DNAJC5B: variants seen among roughly 807,000 people sequenced by gnomAD.
DNAJC5B encodes the protein dnaJ homolog subfamily C member 5B.
In DNAJC5B, 23 loss-of-function variants were observed where a neutral mutation model predicts 24.7. The ratio of observed to expected loss-of-function variants is 0.93; its 90% CI spans 0.67 to 1.32. The LOEUF is 1.32. DNAJC5B is among the 40% of genes most tolerant of loss of function. The pLI is 0.00. For synonymous variants in DNAJC5B, 101 were observed against 90.1 expected, an observed-to-expected ratio of 1.12 and a Z score of -0.68; for missense variants, 238 against 240.8, an observed-to-expected ratio of 0.99 and a Z score of 0.08.
chr8:66,019,624 C>T (rs1379516888), upstream of DNAJC5B, among the ~76,000 whole-genome samples: 1 of 151,936 alleles, frequency 6.6e-6, no homozygotes, highest in Non-Finnish European at 1.5e-5. Context: ...AATTTTATTC[C>T]AGTAAAATGT....
Position 66,028,902 on chromosome 8 carries a change from T to C in DNAJC5B, c.-142+7197T>C, listed in dbSNP as rs535020678. On this transcript the variant is annotated intron_variant, in intron 1 of 5. Transcript: ENST00000276570. Reference sequence around the variant, plus strand: ...AGGACTAAACTCCTTTGCTTGGTTTTCAAGGCCTCTCACCTTCTCTAGCTT... The same window carrying C: ...AGGACTAAACTCCTTTGCTTGGTTTCCAAGGCCTCTCACCTTCTCTAGCTT... 8.5e-5 allele frequency among the ~76,000 whole-genome samples: 13 copies of C among 152,340 alleles called. 1 individual carries two copies. The South Asian group carries it at 2.5e-3, about 29-fold the overall frequency.
the DNAJC5B span, among the ~76,000 whole-genome samples, chr8:66,016,343 T>G: frequency 6.6e-6 from 1 of 152,160 alleles, no homozygotes; most frequent in Non-Finnish European, 1.5e-5. Context: ...TGGTTTCCCT[T>G]ATGCTGTTGT....
At chr8:66,098,105 C>T (rs919492497) in intron 5 of DNAJC5B, among the ~76,000 whole-genome samples, 15 of 152,186 alleles carry the variant, frequency 9.9e-5, no homozygotes, top group East Asian at 3.8e-4. Context: ...CTGCCTGCCT[C>T]GGCCTCCCAA....
chr8:66,030,211 C>T (rs1182967392), intron 1 of DNAJC5B, among the ~76,000 whole-genome samples: 1 of 152,146 alleles, frequency 6.6e-6, no homozygotes, highest in Non-Finnish European at 1.5e-5. Context: ...CTTCATGGTG[C>T]TCCTTGATGG....
chr8:66,096,332 T>C (rs77904066), intron 5 of DNAJC5B, among the ~76,000 whole-genome samples: 2,262 of 152,264 alleles, frequency 0.015, 52 homozygotes, highest in African/African-American at 0.051. Context: ...TATGATCACA[T>C]TGTAAGGTAC....
intron 5 of DNAJC5B, among the ~76,000 whole-genome samples, chr8:66,084,949 C>T (rs1807687972): frequency 6.6e-6 from 1 of 152,022 alleles, no homozygotes; most frequent in Admixed American, 6.6e-5. Flanking sequence ...TTATGTTTAA[C>T]ATTTAGATTT....
chr8:66,099,107 T>G (rs1471555736), intron 5 of DNAJC5B, among the ~76,000 whole-genome samples: 1 of 152,100 alleles, frequency 6.6e-6, no homozygotes, highest in Admixed American at 6.6e-5. Flanking sequence ...TATGAGCTCA[T>G]GTTTCTTGCA....
chr8:66,054,009 G>A (rs796515200), intron 3 of DNAJC5B, among the ~76,000 whole-genome samples: 3 of 151,038 alleles, frequency 2.0e-5, no homozygotes, highest in African/African-American at 7.3e-5. Flanking sequence ...ATTTTTAATG[G>A]CTGTGGCCTA....
intron 5 of DNAJC5B, among the ~76,000 whole-genome samples, chr8:66,098,699 T>G (rs970653121): frequency 1.6e-4 from 25 of 152,150 alleles, no homozygotes; most frequent in African/African-American, 5.8e-4. Context: ...TCTTAAATTT[T>G]GGATAATCTC....
At chr8:66,055,878 G>T (rs1166529310) in intron 3 of DNAJC5B, among the ~76,000 whole-genome samples, 2 of 152,160 alleles carry the variant, frequency 1.3e-5, no homozygotes, top group Non-Finnish European at 2.9e-5. Flanking sequence ...GGAGGCAGAG[G>T]TTGCAGTGAG....
At chr8:66,042,999 T>A (rs796093585) in intron 1 of DNAJC5B, among the ~76,000 whole-genome samples, 52 of 152,136 alleles carry the variant, frequency 3.4e-4, no homozygotes, top group African/African-American at 1.1e-3. Context: ...CTCTAAATCA[T>A]AGGAATTGTT....
At chr8:66,072,078 T>A (rs958567997) in intron 3 of DNAJC5B, among the ~76,000 whole-genome samples, 8 of 151,214 alleles carry the variant, frequency 5.3e-5, no homozygotes, top group African/African-American at 1.9e-4. Flanking sequence ...AGGGATAACA[T>A]TAGGAGAAAT....
At chr8:66,048,506 C>T (rs1361201545) in intron 2 of DNAJC5B, among the ~76,000 whole-genome samples, 3 of 152,118 alleles carry the variant, frequency 2.0e-5, no homozygotes, top group African/African-American at 7.2e-5. Flanking sequence ...TCTAAGTTCT[C>T]CCCCAGAGGA....
At chr8:66,092,500 G>A (rs1369653402) in intron 5 of DNAJC5B, among the ~76,000 whole-genome samples, 5 of 151,992 alleles carry the variant, frequency 3.3e-5, no homozygotes, top group African/African-American at 7.3e-5. Flanking sequence ...GGGGTAATTC[G>A]CCTAACTCCT....
chr8:66,042,236 G>C (rs1806625492), intron 1 of DNAJC5B, among the ~76,000 whole-genome samples: 1 of 152,146 alleles, frequency 6.6e-6, no homozygotes, highest in Non-Finnish European at 1.5e-5. Flanking sequence ...AATTCAATAG[G>C]TGACTAATTG....
intron 2 of DNAJC5B, among the ~76,000 whole-genome samples, chr8:66,048,880 C>A (rs1586079722): frequency 6.6e-6 from 1 of 152,210 alleles, no homozygotes; most frequent in East Asian, 1.9e-4. Flanking sequence ...AATCACCCAG[C>A]GGACATTTGC....
chr8:66,098,390 A>G (rs1401908309), intron 5 of DNAJC5B, among the ~76,000 whole-genome samples: 3 of 151,774 alleles, frequency 2.0e-5, no homozygotes, highest in Non-Finnish European at 2.9e-5. Context: ...TTCAGTAGAG[A>G]CAGAGTTTCA....
At chr8:66,041,135 C>G (rs1263739963) in intron 1 of DNAJC5B, among the ~76,000 whole-genome samples, 2 of 152,138 alleles carry the variant, frequency 1.3e-5, no homozygotes, top group Admixed American at 1.3e-4. Flanking sequence ...TGATTTATCT[C>G]TTTGAAATTT....
At chr8:66,090,851 T>A (rs1170627841) in intron 5 of DNAJC5B, among the ~76,000 whole-genome samples, 1 of 152,170 alleles carries the variant, frequency 6.6e-6, no homozygotes, top group Non-Finnish European at 1.5e-5. Context: ...TTTCCCCCAG[T>A]CAAAAGGAAT....
Sources: gnomAD v4.1 joint callset for allele counts (sites outside exome capture counted in the v4.1 genomes callset) on GRCh38, gnomAD v4.1.1 for gene constraint, MANE v1.5 for transcripts, NCBI Gene and HGNC (gene_info 2026-07-23, HGNC 2026-07-21) for gene names.